Variants in EPS8L2 observed in about 807,000 individuals in gnomAD.
EPS8L2 encodes EPS8 signaling adaptor L2, also known as epidermal growth factor receptor kinase substrate 8-like protein 2.
A neutral mutation model predicts 99.4 loss-of-function variants in EPS8L2; 81 were observed. That is an observed-to-expected ratio of 0.82 (90% CI 0.68 to 0.98). The LOEUF is 0.98. EPS8L2 is among the 50% of genes least tolerant of loss of function. EPS8L2 has a pLI of 0.00. For synonymous variants in EPS8L2, 509 were observed against 407.3 expected, an observed-to-expected ratio of 1.25 and a Z score of -3.01; for missense variants, 1,155 against 968.8, an observed-to-expected ratio of 1.19 and a Z score of -2.55.
intron 4 of EPS8L2, among the ~76,000 whole-genome samples, chr11:712,429 C>G: frequency 6.7e-6 from 1 of 148,764 alleles, no homozygotes; most frequent in South Asian, 2.2e-4. Context: ...AGCCTGGGTG[C>G]GAGCTGGGCT....
rs181325307 is a variant in EPS8L2 at position 721,824 on chromosome 11, G to T, written c.896-79G>T. The stretch of plus-strand genomic sequence containing the variant: ...GGTGGAGGAAGGTCCAGCCCACACA[G>T]ATGGGCTGCGTGGGACAGAAGGCGC... On this transcript the variant is annotated intron_variant, in intron 10 of 20. Transcript: ENST00000318562. 283 of 1,515,268 alleles carry T rather than the reference G, an allele frequency of 1.9e-4. No individual in the cohort carries two copies. The Middle Eastern group carries it at 4.0e-3, about 21-fold the overall frequency. 93.9% of individuals were successfully genotyped at this position (1,515,268 alleles called of 1,614,324 possible).
chr11:721,530 G>A, intron 9 of EPS8L2, 35 bp from the exon 10 acceptor site: 1 of 1,527,260 alleles, frequency 6.5e-7, no homozygotes. Flanking sequence ...GGTGGGGAGT[G>A]TCAGGGGCTG....
At chr11:709,794 C>G (rs544961905) in intron 3 of EPS8L2, 186 bp downstream of exon 3, 10 of 639,720 alleles carry the variant, frequency 1.6e-5, no homozygotes, top group Admixed American at 2.6e-5. Context: ...TCCCCTCCCC[C>G]ACACCCGTAA....
At chr11:710,246 G>C in intron 3 of EPS8L2, 176 bp from the exon 4 acceptor site, 1 of 624,140 alleles carries the variant, frequency 1.6e-6, no homozygotes, top group South Asian at 1.8e-5. Flanking sequence ...CCTGGAGGGA[G>C]GGAGGGGGCT....
intron 3 of EPS8L2, 141 bp downstream of exon 3, chr11:709,749 C>G: frequency 1.1e-6 from 1 of 902,348 alleles, no homozygotes; most frequent in Non-Finnish European, 1.7e-6. Flanking sequence ...GCCTCTGGAC[C>G]CTAATCAACC....
rs1862258079 is a variant in EPS8L2, at chr11:724,129, G to T, written c.1455-595G>T. 6.6e-6 allele frequency among the ~76,000 whole-genome samples: 1 copy of T among 152,176 alleles called. No individual in the cohort carries two copies. Among genetic ancestry groups the T allele is most frequent in the South Asian group, 2.1e-4 (1 of 4,836 alleles). Reference sequence around the variant, plus strand: ...CCCTGAGCACCTGGACACGGGAGCTGCCCTGATGACCAGGGCCACACTGAC... The same window carrying T: ...CCCTGAGCACCTGGACACGGGAGCTTCCCTGATGACCAGGGCCACACTGAC... On this transcript the variant is annotated intron_variant, in intron 15 of 20. Transcript: ENST00000318562. The surrounding 1 kb of genome is among the most constrained non-coding windows in gnomAD (Gnocchi z 5.5).
In EPS8L2 at chr11:726,184, C is replaced by T. The variant is rs1467905901; in HGVS notation, c.1753+14C>T. 1 of 1,603,152 alleles carries T rather than the reference C, an allele frequency of 6.2e-7. No homozygotes were observed. The highest frequency in any genetic ancestry group is 8.5e-7 in the Non-Finnish European group (1 of 1,174,702). ...GGAACAAAGACGGTGAGAGCTGCTG[C>T]TTCGAGGCGGGGGTCCCGGGCCCAG... is the stretch of plus-strand genomic sequence containing the variant. On this transcript the variant is annotated intron_variant, in intron 18 of 20. Coordinates refer to ENST00000318562, the MANE Select transcript of EPS8L2 (RefSeq NM_022772.4).
At chr11:721,525 G>C (rs1862173343) in intron 9 of EPS8L2, 40 bp from the exon 10 acceptor site, 1 of 1,524,416 alleles carries the variant, frequency 6.6e-7, no homozygotes, top group Non-Finnish European at 8.8e-7. Context: ...GGGGCGGTGG[G>C]GAGTGTCAGG....
chr11:720,050 G>A lies in EPS8L2; in HGVS notation c.166-12G>A. 6.2e-7 allele frequency: 1 copy of A among 1,608,270 alleles called. No homozygotes were observed. Among genetic ancestry groups the A allele is most frequent in the East Asian group, 2.2e-5 (1 of 44,632 alleles). ...GGGCTCTGCCCAGCAGTGACCACCT[G>A]CCCACCCCCAGCACCTGGCCACATT... is the stretch of plus-strand genomic sequence containing the variant. On this transcript the variant is annotated splice_polypyrimidine_tract_variant and intron_variant, in intron 4 of 20. Coordinates refer to ENST00000318562, the MANE Select transcript of EPS8L2 (RefSeq NM_022772.4).
At position 720,219 on chromosome 11, in the gene EPS8L2, C is replaced by G; in HGVS notation, c.323C>G (p.Ser108Ter). Residue 108 changes from serine to a stop codon, truncating the protein, a stop_gained, in exon 5 of 21, where the codon TCA (serine) becomes TGA (stop). Coordinates refer to ENST00000318562, the MANE Select transcript of EPS8L2 (RefSeq NM_022772.4). LOFTEE classifies it high-confidence loss of function. ...TCGCTGCGGCTGCTGGACATCGAGT[C>G]ACAGGTGGGGCCCAGCGCCACGGGG... ...DQSLRLLDIE[S>*]QEELEDFPLP... The G allele has an allele frequency of 1.9e-6, 3 of 1,612,868 alleles. No individual in the cohort carries two copies. Among genetic ancestry groups the G allele is most frequent in the Non-Finnish European group, 2.5e-6 (3 of 1,179,830 alleles).
intron 3 of EPS8L2, 74 bp from the exon 4 acceptor site, chr11:710,348 T>C (rs999381568): frequency 2.1e-6 from 3 of 1,425,348 alleles, no homozygotes; most frequent in Non-Finnish European, 3.0e-6. Flanking sequence ...CCTTCCCTTG[T>C]GGGTCCAGTC....
intron 1 of EPS8L2, 56 bp from the exon 2 acceptor site, chr11:709,274 G>GGGGAGGAACCAGCCAGGC: frequency 9.2e-7 from 1 of 1,092,556 alleles, no homozygotes; most frequent in Non-Finnish European, 1.3e-6. Flanking sequence ...CAGGGAAGGA[G>GGGGAGGAACCAGCCAGGC]GGGAGGAACC....
rs1200879468 is a variant in EPS8L2, at chr11:721,887, G to A, written c.896-16G>A. On this transcript the variant is annotated splice_polypyrimidine_tract_variant and intron_variant, in intron 10 of 20. Coordinates refer to ENST00000318562, the MANE Select transcript of EPS8L2 (RefSeq NM_022772.4). ...GATCAGGGCCAGCCTGGCTCACGCG[G>A]TGCCTCCCATGCCAGAGGGCGTCCT... The A allele has an allele frequency of 6.4e-7, 1 of 1,573,842 alleles. No homozygotes were observed. The highest frequency in any genetic ancestry group is 1.9e-5 in the Admixed American group (1 of 53,650).
chr11:720,675 C>T lies in EPS8L2; in HGVS notation c.406C>T (p.Leu136=). 3.8e-6 allele frequency: 6 copies of T among 1,597,344 alleles called. No individual in the cohort carries two copies. Among genetic ancestry groups the T allele is most frequent in the Non-Finnish European group, 5.1e-6 (6 of 1,173,594 alleles). The change falls in exon 6 of 21, where the codon CTG becomes TTG. Residue 136 remains leucine (L), a synonymous_variant. Coordinates refer to ENST00000318562, the MANE Select transcript of EPS8L2 (RefSeq NM_022772.4). ...VLNQLRYPSV[L]LLVCQDSEQS... ...CAACCAGCTGCGCTACCCGTCTGTG[C>T]TGCTGCTCGTGTGCCAGGACTCGGA...
At chr11:711,957 T>A (rs1054017695) in intron 4 of EPS8L2, among the ~76,000 whole-genome samples, 5 of 149,010 alleles carry the variant, frequency 3.4e-5, no homozygotes, top group African/African-American at 1.2e-4. Context: ...CACTCCAGCA[T>A]GGGCAACAGA....
chr11:725,160 C>T (rs1204002482), intron 16 of EPS8L2, among the ~76,000 whole-genome samples: 1 of 152,234 alleles, frequency 6.6e-6, no homozygotes, highest in Non-Finnish European at 1.5e-5. Context: ...CCGCATCTGC[C>T]AGCCGGAATC....
At chr11:726,810 C>G (rs1862343579) in intron 20 of EPS8L2, 59 bp downstream of exon 20, 11 of 1,579,982 alleles carry the variant, frequency 7.0e-6, no homozygotes, top group Non-Finnish European at 9.5e-6. Flanking sequence ...TCCTCTCCCC[C>G]GCCCGTTCCT....
At chr11:715,655 C>G (rs754534734) in intron 4 of EPS8L2, among the ~76,000 whole-genome samples, 7 of 128,268 alleles carry the variant, frequency 5.5e-5, no homozygotes, top group Non-Finnish European at 7.8e-5. Flanking sequence ...GAGTCTTGCT[C>G]TGTCGCCCAG....
At chr11:722,354 CCAGGGTCTGTGGGCCT>C in intron 12 of EPS8L2, 31 bp from the exon 13 acceptor site, 1 of 1,598,612 alleles carries the variant, frequency 6.3e-7, no homozygotes, top group East Asian at 2.2e-5. Context: ...GGGTGCTGGG[CCAGGGTCTGTGGGCCT>C]CAGTCCCCTC....
Sources: gnomAD v4.1 joint callset for allele counts (sites outside exome capture counted in the v4.1 genomes callset) on GRCh38, gnomAD v4.1.1 for gene constraint, Gnocchi (gnomAD v3.1) non-coding constraint, MANE v1.5 for transcripts, NCBI Gene and HGNC (gene_info 2026-07-23, HGNC 2026-07-21) for gene names.